Variants in CTNNA2 observed in about 807,000 individuals in gnomAD.
CTNNA2 encodes the protein catenin alpha 2.
CTNNA2 carries 42 observed loss-of-function variants against 101.0 expected under a neutral mutation model. The observed-to-expected ratio is 0.42, with a 90% confidence interval of 0.32 to 0.54. CTNNA2 has a LOEUF of 0.54. Among genes scored for constraint, CTNNA2 ranks in the 20% least tolerant of loss-of-function variants. The pLI, the probability that CTNNA2 is intolerant of heterozygous loss-of-function variation, is 0.14. For synonymous variants in CTNNA2, 450 were observed against 456.4 expected, an observed-to-expected ratio of 0.99 and a Z score of 0.18; for missense variants, 871 against 1,223.1, an observed-to-expected ratio of 0.71 and a Z score of 4.29.
rs186684418 is a variant in CTNNA2, at chr2:79,829,008, T to C, written c.299-29005T>C. 3.7e-3 allele frequency among the ~76,000 whole-genome samples: 563 copies of C among 152,296 alleles called. 1 individual carries two copies. The highest frequency in any genetic ancestry group is 0.021 in the South Asian group (101 of 4,816). ...GTTGAGTCTTTCCTTGGTGGACTTA[T>C]TGATGTGTTTAAGTGAAATGTTTTC... On this transcript the variant is annotated intron_variant, in intron 3 of 18. Coordinates refer to ENST00000402739, the MANE Select transcript of CTNNA2 (RefSeq NM_001282597.3).
In CTNNA2 at chr2:79,354,481, C is replaced by T. The variant is rs564136182; in HGVS notation, c.-317-19350C>T. Among the ~76,000 whole-genome samples the T allele has an allele frequency of 3.0e-4, 46 of 152,102 alleles. 1 individual carries two copies. The highest frequency in any genetic ancestry group is 1.0e-4 in the Non-Finnish European group (7 of 68,004). On this transcript the variant is annotated intron_variant, in intron 3 of 21. Coordinates refer to the CTNNA2 transcript ENST00000466387. ...TTGGTGTATTCTATTTTAAATGCTT[C>T]CAACTGTATTATAGAATTCCTGTAG...
At chr2:79,810,495 T>G (rs1237741197) in intron 3 of CTNNA2, among the ~76,000 whole-genome samples, 2 of 151,764 alleles carry the variant, frequency 1.3e-5, no homozygotes, top group Non-Finnish European at 2.9e-5. Flanking sequence ...CTTTTGCCAT[T>G]GAATTGCCTT....
intron 15 of CTNNA2, among the ~76,000 whole-genome samples, chr2:80,603,160 C>G (rs1236507624): frequency 6.6e-6 from 1 of 151,948 alleles, no homozygotes; most frequent in African/African-American, 2.4e-5. Context: ...ATAAAGAGAC[C>G]AGGTTAATTA....
chr2:79,929,380 C>T lies in CTNNA2; in HGVS notation c.1056+19583C>T, dbSNP rs149227238. On this transcript the variant is annotated intron_variant, in intron 7 of 18. Coordinates refer to ENST00000402739, the MANE Select transcript of CTNNA2 (RefSeq NM_001282597.3). Reference sequence around the variant, plus strand: ...CTCTTTTGTAAAAGAAAAAAAGGGACGTATTCCGAAACTGTATGTATGACC... The same window carrying T: ...CTCTTTTGTAAAAGAAAAAAAGGGATGTATTCCGAAACTGTATGTATGACC... Among the ~76,000 whole-genome samples the T allele has an allele frequency of 5.3e-3, 802 of 152,222 alleles. 5 individuals are homozygous for T. The highest frequency in any genetic ancestry group is 0.018 in the African/African-American group (735 of 41,524).
intron 2 of CTNNA2, among the ~76,000 whole-genome samples, chr2:79,702,722 T>G (rs1048839918): frequency 3.9e-5 from 6 of 152,218 alleles, no homozygotes; most frequent in African/African-American, 1.4e-4. Context: ...TTCTGGAGTT[T>G]TCTAAGTCAG....
intron 7 of CTNNA2, among the ~76,000 whole-genome samples, chr2:80,277,116 G>A (rs960970683): frequency 6.6e-6 from 1 of 152,010 alleles, no homozygotes; most frequent in Non-Finnish European, 1.5e-5. Flanking sequence ...TAAGATTATA[G>A]ATTCCTTATA....
intron 2 of CTNNA2, among the ~76,000 whole-genome samples, chr2:79,217,575 T>C (rs1376408978): frequency 6.6e-6 from 1 of 152,114 alleles, no homozygotes; most frequent in African/African-American, 2.4e-5. Context: ...CACAAGGAGT[T>C]AAGGCAGGAA....
rs986634745 is a variant in CTNNA2, at chr2:80,302,182, G to T, written c.1057-91029G>T. On this transcript the variant is annotated intron_variant, in intron 7 of 18. Transcript: ENST00000402739. The surrounding 1 kb of genome is among the most constrained non-coding windows in gnomAD (Gnocchi z 6.4). ...GCACAGACAAGGAGACCCCAGCCTG[G>T]TGCCCGCCGGCCCGTCCCGGCTGCC... The T allele has an allele frequency of 5.8e-6, 9 of 1,554,096 alleles. No homozygotes were observed. The highest frequency in any genetic ancestry group is 7.8e-6 in the Non-Finnish European group (9 of 1,149,960).
At chr2:80,616,338 A>T (rs1698849982) in intron 17 of CTNNA2, 1 of 151,640 alleles carries the variant, frequency 6.6e-6, no homozygotes, top group Admixed American at 6.6e-5. Flanking sequence ...GCTGCTATCC[A>T]CATTTATTGG....
Position 79,909,711 on chromosome 2 carries a change from C to T in CTNNA2, c.970C>T (p.Arg324Ter), listed in dbSNP as rs1215410582. 6.2e-7 allele frequency: 1 copy of T among 1,613,940 alleles called. No homozygotes were observed. Among genetic ancestry groups the T allele is most frequent in the Non-Finnish European group, 8.5e-7 (1 of 1,179,932 alleles). ...GCTGATGGCCGACTCCTCCTGCACG[C>T]GAGACGACCGGCGCGAGAGGATCGT... ...AALMADSSCT[R>*]DDRRERIVAE... is the part of the protein sequence containing the mutation. The change falls in exon 7 of 19, where the codon CGA (arginine) becomes TGA (stop). Residue 324 changes from arginine to a stop codon, truncating the protein, a stop_gained. Transcript: ENST00000402739. LOFTEE classifies it high-confidence loss of function.
intron 7 of CTNNA2, among the ~76,000 whole-genome samples, chr2:80,146,454 G>T (rs1191000607): frequency 1.3e-5 from 2 of 152,124 alleles, no homozygotes; most frequent in Non-Finnish European, 2.9e-5. Context: ...TAATGGCCTA[G>T]TTGACTGTCC....
chr2:79,947,172 T>C (rs1220291794), intron 7 of CTNNA2, among the ~76,000 whole-genome samples: 2 of 152,156 alleles, frequency 1.3e-5, no homozygotes, highest in Admixed American at 6.5e-5. Context: ...TAAAATAAAT[T>C]GCAATAATTC....
intron 4 of CTNNA2, among the ~76,000 whole-genome samples, chr2:79,467,762 A>T (rs988785190): frequency 2.6e-5 from 4 of 152,234 alleles, no homozygotes; most frequent in Non-Finnish European, 5.9e-5. Context: ...CCAGAATTTC[A>T]TATCCAGGCA....
intron 7 of CTNNA2, among the ~76,000 whole-genome samples, chr2:80,090,979 A>G (rs1046602881): frequency 3.9e-5 from 6 of 152,112 alleles, no homozygotes; most frequent in African/African-American, 1.4e-4. Flanking sequence ...TGAAAGTACT[A>G]TATTGCTTTG....
rs968363584 is a variant in CTNNA2, at chr2:79,494,345, A to G, written c.-134-10709A>G. 2.6e-5 allele frequency among the ~76,000 whole-genome samples: 4 copies of G among 152,160 alleles called. No individual in the cohort carries two copies. The South Asian group carries it at 6.2e-4, about 24-fold the overall frequency. The stretch of plus-strand genomic sequence containing the variant: ...TATGTGGAAATGCAGGGGATCTAGA[A>G]TAGCAAAATCAGTCTTGAAAAAGGA... On this transcript the variant is annotated intron_variant, in intron 4 of 21. Coordinates refer to the CTNNA2 transcript ENST00000466387.
intron 1 of CTNNA2, among the ~76,000 whole-genome samples, chr2:79,641,890 A>G (rs890805636): frequency 3.3e-5 from 5 of 152,228 alleles, no homozygotes; most frequent in Non-Finnish European, 7.3e-5. Context: ...ATTAAATTTT[A>G]TGAGTGTGCT....
chr2:80,496,156 T>G (rs1687447668), intron 9 of CTNNA2, among the ~76,000 whole-genome samples: 2 of 152,216 alleles, frequency 1.3e-5, no homozygotes, highest in South Asian at 4.2e-4. Flanking sequence ...ATAGCTTGAT[T>G]GTGGACTTCT....
chr2:79,327,145 A>G (rs1440186133), intron 3 of CTNNA2, among the ~76,000 whole-genome samples: 1 of 152,186 alleles, frequency 6.6e-6, no homozygotes, highest in Non-Finnish European at 1.5e-5. Flanking sequence ...ATATAACTCT[A>G]CTATCTTTGG....
intron 2 of CTNNA2, among the ~76,000 whole-genome samples, chr2:79,654,139 A>AG (rs1271315516): frequency 2.6e-5 from 4 of 152,150 alleles, no homozygotes; most frequent in African/African-American, 9.7e-5. Flanking sequence ...CTGTTCAAGG[A>AG]GATCTATAAT....
Sources: allele counts gnomAD v4.1 joint callset (sites outside exome capture counted in the v4.1 genomes callset), GRCh38; gene constraint gnomAD v4.1.1; non-coding constraint Gnocchi (gnomAD v3.1); transcripts MANE v1.5; gene names NCBI Gene and HGNC (gene_info 2026-07-23, HGNC 2026-07-21).